ATP6V1C1: variants seen among roughly 807,000 people sequenced by gnomAD.
ATP6V1C1 encodes the protein V-type proton ATPase subunit C 1.
A neutral mutation model predicts 53.9 loss-of-function variants in ATP6V1C1; 45 were observed. That is an observed-to-expected ratio of 0.83 (90% CI 0.66 to 1.07). The LOEUF is 1.07. ATP6V1C1 is among the 50% of genes least tolerant of loss of function. The pLI is 0.00. For missense variants in ATP6V1C1, 315 were observed against 440.3 expected (o/e 0.72, Z 2.55); for synonymous variants, 153 against 155.2 (o/e 0.99, Z 0.11).
At chr8:103,041,676 A>C (rs1817003180) in intron 2 of ATP6V1C1, among the ~76,000 whole-genome samples, 1 of 152,186 alleles carries the variant, frequency 6.6e-6, no homozygotes. Context: ...GTTTGAGACC[A>C]GCATGGCCAA....
intron 3 of ATP6V1C1, among the ~76,000 whole-genome samples, chr8:103,046,758 A>G (rs1221493732): frequency 6.6e-6 from 1 of 152,204 alleles, no homozygotes; most frequent in Non-Finnish European, 1.5e-5. Context: ...AAGGCCAAAT[A>G]TTGTAGAATA....
intron 3 of ATP6V1C1, among the ~76,000 whole-genome samples, chr8:103,045,739 A>G (rs1817083317): frequency 6.6e-6 from 1 of 152,092 alleles, no homozygotes; most frequent in African/African-American, 2.4e-5. Context: ...CAGGAGATCG[A>G]GACCATCCTG....
chr8:103,066,342 C>T lies in ATP6V1C1; in HGVS notation c.948C>T (p.Phe316=), dbSNP rs527859610. Residue 316 remains phenylalanine, a synonymous_variant, in exon 12 of 13, where the codon TTC becomes TTT. Coordinates refer to ENST00000518738, the MANE Select transcript of ATP6V1C1 (RefSeq NM_001695.5). ...TAAGGTATGGCTTGCCAGTGAACTT[C>T]CAAGCAATGCTACTTCAGCCCAATA... is the stretch of plus-strand genomic sequence containing the variant. ...SVLRYGLPVN[F]QAMLLQPNKK... 261 of 1,611,896 alleles carry T rather than the reference C, an allele frequency of 1.6e-4. 1 individual carries two copies. The African/African-American group carries it at 3.2e-3, about 20-fold the overall frequency.
chr8:103,024,203 T>G (rs2131378867), intron 1 of ATP6V1C1, among the ~76,000 whole-genome samples: 1 of 152,318 alleles, frequency 6.6e-6, no homozygotes, highest in African/African-American at 2.4e-5. Context: ...TTGTAGGGAC[T>G]AGATAAAATC....
At chr8:103,033,020 A>G (rs557573974) in intron 1 of ATP6V1C1, among the ~76,000 whole-genome samples, 1 of 152,252 alleles carries the variant, frequency 6.6e-6, no homozygotes, top group Non-Finnish European at 1.5e-5. Flanking sequence ...AGATTGAACT[A>G]CTAATACATA....
intron 1 of ATP6V1C1, among the ~76,000 whole-genome samples, chr8:103,037,753 G>A (rs2131386951): frequency 6.6e-6 from 1 of 152,106 alleles, no homozygotes; most frequent in East Asian, 1.9e-4. Flanking sequence ...GTTAAATATT[G>A]CCAATTATGT....
At chr8:103,046,215 A>G (rs1211527256) in intron 3 of ATP6V1C1, among the ~76,000 whole-genome samples, 1 of 150,702 alleles carries the variant, frequency 6.6e-6, no homozygotes, top group East Asian at 1.9e-4. Context: ...AATTTTATTT[A>G]TTTTTTTTTC....
intron 1 of ATP6V1C1, among the ~76,000 whole-genome samples, chr8:103,037,319 C>CT (rs1275827671): frequency 3.3e-5 from 5 of 151,922 alleles, no homozygotes; most frequent in Admixed American, 6.6e-5. Flanking sequence ...CCCCGAAATA[C>CT]TTTTTTAAAT....
intron 1 of ATP6V1C1, among the ~76,000 whole-genome samples, chr8:103,026,285 G>A (rs1297763326): frequency 6.6e-6 from 1 of 152,174 alleles, no homozygotes; most frequent in Non-Finnish European, 1.5e-5. Context: ...TCCAGTTTTT[G>A]TGATAGGTAT....
At position 103,070,325 on chromosome 8, in the gene ATP6V1C1, G is replaced by C. The variant is rs1024892259; in HGVS notation, c.*1578G>C. Reference sequence around the variant, plus strand: ...TATACTTGTATTAGTATTTCTGTAAGATCTGAGAAGTGGAATTTGTAGGGT... The same window carrying C: ...TATACTTGTATTAGTATTTCTGTAACATCTGAGAAGTGGAATTTGTAGGGT... On this transcript the variant is annotated 3_prime_UTR_variant, in exon 13 of 13. Coordinates refer to ENST00000518738, the MANE Select transcript of ATP6V1C1 (RefSeq NM_001695.5). 4 of 152,198 alleles carry C rather than the reference G, an allele frequency of 2.6e-5. No individual in the cohort carries two copies. The highest frequency in any genetic ancestry group is 9.7e-5 in the African/African-American group (4 of 41,440). 9.4% of individuals were successfully genotyped at this position (152,198 alleles called of 1,614,324 possible). A position where few individuals can be genotyped will look rare whatever the true frequency, so the allele number is the denominator to read the frequency against.
Position 103,063,145 on chromosome 8 carries a change from C to T in ATP6V1C1, c.745C>T (p.Arg249Cys), listed in dbSNP as rs1455268921. 2 of 1,612,578 alleles carry T rather than the reference C, an allele frequency of 1.2e-6. No homozygotes were observed. Among genetic ancestry groups the T allele is most frequent in the Non-Finnish European group, 1.7e-6 (2 of 1,179,210 alleles). ...TTCCCCCAAATTTAGATTCATTGTT[C>T]GTGACTTCCAGTATAATGAAGAGGA... ...HKARENKFIV[R>C]DFQYNEEEMK... The change falls in exon 10 of 13, where the codon CGT (arginine) becomes TGT (cysteine). Residue 249 changes from arginine (R) to cysteine (C), a missense_variant. Coordinates refer to ENST00000518738, the MANE Select transcript of ATP6V1C1 (RefSeq NM_001695.5).
intron 1 of ATP6V1C1, among the ~76,000 whole-genome samples, chr8:103,034,685 C>T (rs574985795): frequency 2.6e-5 from 4 of 152,006 alleles, no homozygotes; most frequent in Non-Finnish European, 5.9e-5. Flanking sequence ...TCTCTTGCCT[C>T]AGCCTCCCGA....
At chr8:103,056,996 G>T (rs1817299678) in intron 8 of ATP6V1C1, among the ~76,000 whole-genome samples, 1 of 151,598 alleles carries the variant, frequency 6.6e-6, no homozygotes, top group Admixed American at 6.6e-5. Flanking sequence ...CACTGGTAGG[G>T]TTGTGACTTC....
chr8:103,047,428 G>A lies in ATP6V1C1; in HGVS notation c.201-1442G>A, dbSNP rs1414878177. Among the ~76,000 whole-genome samples the A allele has an allele frequency of 7.9e-4, 93 of 117,580 alleles. 1 individual carries two copies. Among genetic ancestry groups the A allele is most frequent in the Non-Finnish European group, 1.2e-3 (71 of 58,966 alleles). 77.1% of individuals were successfully genotyped at this position (117,580 alleles called of 152,430 possible). On this transcript the variant is annotated intron_variant, in intron 3 of 12. Coordinates refer to ENST00000518738, the MANE Select transcript of ATP6V1C1 (RefSeq NM_001695.5). The stretch of plus-strand genomic sequence containing the variant: ...TCTTAAAAAAAAAAAAAAAATGCGC[G>A]CGCACACACACACACACACACACAC...
intron 1 of ATP6V1C1, among the ~76,000 whole-genome samples, chr8:103,028,385 C>T (rs562001760): frequency 2.0e-5 from 3 of 152,180 alleles, no homozygotes; most frequent in African/African-American, 2.4e-5. Flanking sequence ...GTTTTGTTTC[C>T]AAGAAAGAAG....
rs1452029672 is a variant in ATP6V1C1, at chr8:103,070,866, CCCT to C, written c.*2124_*2126del. ...GGCAGAGTGGTCTCCGAGTTCCAGT[CCCT>C]CCTCTGTAAAATGGGCATGATTAGA... On this transcript the variant is annotated 3_prime_UTR_variant, in exon 13 of 13. Transcript: ENST00000518738. 5.9e-5 allele frequency: 9 copies of C among 152,250 alleles called. No individual in the cohort carries two copies. Among genetic ancestry groups the C allele is most frequent in the Admixed American group, 2.0e-4 (3 of 15,286 alleles). 9.4% of individuals were successfully genotyped at this position (152,250 alleles called of 1,614,324 possible). A position where few individuals can be genotyped will look rare whatever the true frequency, so the allele number is the denominator to read the frequency against.
chr8:103,025,294 C>T (rs766131765), intron 1 of ATP6V1C1, among the ~76,000 whole-genome samples: 3 of 152,120 alleles, frequency 2.0e-5, no homozygotes, highest in Admixed American at 6.5e-5. Context: ...GTCTGTTTCG[C>T]CCCTACCCAC....
rs1241314385 is a variant in ATP6V1C1 at position 103,060,334 on chromosome 8, C to T, written c.642-2621C>T. 2.6e-5 allele frequency among the ~76,000 whole-genome samples: 4 copies of T among 152,300 alleles called. No individual in the cohort carries two copies. In the East Asian group the frequency reaches 5.8e-4, roughly 22 times the overall value. ...GTTATTCCACATCTATATTCATTTG[C>T]ATATGGGGTTCTGTCTGGAACGTTC... On this transcript the variant is annotated intron_variant, in intron 8 of 12. Transcript: ENST00000518738.
intron 3 of ATP6V1C1, among the ~76,000 whole-genome samples, chr8:103,046,026 A>G (rs994917721): frequency 2.0e-5 from 3 of 151,736 alleles, no homozygotes; most frequent in Non-Finnish European, 4.4e-5. Flanking sequence ...GGTCTCATCT[A>G]CCTCATTACA....
Sources: gnomAD v4.1 joint callset for allele counts (sites outside exome capture counted in the v4.1 genomes callset) on GRCh38, gnomAD v4.1.1 for gene constraint, MANE v1.5 for transcripts, NCBI Gene and HGNC (gene_info 2026-07-23, HGNC 2026-07-21) for gene names.